Variants in PPP4R3B observed in about 807,000 individuals in gnomAD.
PPP4R3B encodes serine/threonine-protein phosphatase 4 regulatory subunit 3B.
PPP4R3B carries 52 observed loss-of-function variants against 95.4 expected under a neutral mutation model. The observed-to-expected ratio is 0.54, with a 90% CI of 0.44 to 0.69. The LOEUF (loss-of-function observed/expected upper bound fraction) is 0.69. PPP4R3B is among the 30% of genes least tolerant of loss of function. The probability of loss-of-function intolerance (pLI) is 0.00; values close to 1 mark genes in which losing one functional copy is unlikely to be tolerated. For synonymous variants in PPP4R3B, 407 were observed against 343.9 expected, an observed-to-expected ratio of 1.18 and a Z score of -2.03; for missense variants, 1,003 against 1,005.9, an observed-to-expected ratio of 1.00 and a Z score of 0.04.
intron 16 of PPP4R3B, 89 bp downstream of exon 16, chr2:55,558,686 G>A: frequency 1.1e-6 from 1 of 932,798 alleles, no homozygotes; most frequent in Non-Finnish European, 1.6e-6. Context: ...CATTGAAATT[G>A]TTTTGATTAT....
chr2:55,561,204 C>G (rs1403523499), intron 15 of PPP4R3B, among the ~76,000 whole-genome samples: 2 of 152,140 alleles, frequency 1.3e-5, no homozygotes, highest in Non-Finnish European at 2.9e-5. Context: ...CTCTTGGTGG[C>G]TTCCATGTGA....
intron 11 of PPP4R3B, among the ~76,000 whole-genome samples, chr2:55,576,586 C>A (rs1452738158): frequency 6.6e-6 from 1 of 151,776 alleles, no homozygotes; most frequent in African/African-American, 2.4e-5. Context: ...ACTAAAAATA[C>A]AAAAAATCGG....
intron 4 of PPP4R3B, among the ~76,000 whole-genome samples, chr2:55,596,774 C>A (rs1691834189): frequency 6.6e-6 from 1 of 152,094 alleles, no homozygotes; most frequent in Admixed American, 6.5e-5. Flanking sequence ...ACCAGCCTGG[C>A]CAACATGGTG....
At chr2:55,610,154 G>A (rs1201773441) in intron 2 of PPP4R3B, among the ~76,000 whole-genome samples, 1 of 152,030 alleles carries the variant, frequency 6.6e-6, no homozygotes, top group Non-Finnish European at 1.5e-5. Context: ...AAATTTTCCA[G>A]CACTTTCTGG....
rs1172968766 is a variant in PPP4R3B, at chr2:55,549,895, TC to T, written c.*15del. 6.3e-7 allele frequency: 1 copy of T among 1,575,324 alleles called. No homozygotes were observed. On this transcript the variant is annotated 3_prime_UTR_variant, in exon 17 of 17. Coordinates refer to ENST00000616407, the MANE Select transcript of PPP4R3B (RefSeq NM_001122964.3). ...GCATTGTAAGACCACATGTTGAGGG[TC>T]CCCTAATAAATATTTTATGAGCCAA...
chr2:55,564,568 T>C lies in PPP4R3B; in HGVS notation c.2076-71A>G, dbSNP rs878948415. ...TCATCAGATTGAACTGAAGGAAAAA[T>C]ATGTATAACCAAGATGAACTGAAGT... On this transcript the variant is annotated intron_variant, in intron 14 of 16. Transcript: ENST00000616407. 6.0e-6 allele frequency: 8 copies of C among 1,334,530 alleles called. No homozygotes were observed. The South Asian group carries it at 9.0e-5, about 15-fold the overall frequency. 82.7% of individuals were successfully genotyped at this position (1,334,530 alleles called of 1,614,324 possible).
In PPP4R3B at chr2:55,568,936, G is replaced by A. The variant is rs887942318; in HGVS notation, c.1766-573C>T. Among the ~76,000 whole-genome samples, 57 of 152,228 alleles carry A rather than the reference G, an allele frequency of 3.7e-4. 1 individual carries two copies. Among genetic ancestry groups the A allele is most frequent in the African/African-American group, 1.2e-3 (51 of 41,532 alleles). On this transcript the variant is annotated intron_variant, in intron 12 of 16. Coordinates refer to ENST00000616407, the MANE Select transcript of PPP4R3B (RefSeq NM_001122964.3). ...GTGGGCAGCAAGCCACCCAGGTGCC[G>A]AGGCAAGAGACTGAGGGCACGAGCT...
intron 2 of PPP4R3B, among the ~76,000 whole-genome samples, chr2:55,613,825 AT>A (rs1323519315): frequency 1.5e-4 from 23 of 149,376 alleles, no homozygotes; most frequent in Non-Finnish European, 3.0e-4. Flanking sequence ...AAAAAAAAAA[AT>A]TAGTATTTCT....
At chr2:55,608,070 A>G (rs1327509208) in intron 2 of PPP4R3B, among the ~76,000 whole-genome samples, 3 of 152,132 alleles carry the variant, frequency 2.0e-5, no homozygotes, top group Non-Finnish European at 4.4e-5. Context: ...CAGTGGTGCA[A>G]TCTTGGCTCA....
At chr2:55,581,723 A>T (rs769131613) in intron 7 of PPP4R3B, 25 bp from the exon 8 acceptor site, 4 of 1,605,268 alleles carry the variant, frequency 2.5e-6, no homozygotes, top group Non-Finnish European at 3.4e-6. Flanking sequence ...AAACAAAACA[A>T]AACATGTTTC....
At chr2:55,564,851 A>T in intron 14 of PPP4R3B, 51 bp downstream of exon 14, 1 of 1,575,708 alleles carries the variant, frequency 6.3e-7, no homozygotes, top group Non-Finnish European at 8.6e-7. Flanking sequence ...AACTACAAAC[A>T]ATTTTGGACA....
chr2:55,566,048 C>A (rs376456412), intron 13 of PPP4R3B, among the ~76,000 whole-genome samples: 3 of 152,084 alleles, frequency 2.0e-5, no homozygotes, highest in African/African-American at 7.2e-5. Context: ...ACCATCACTG[C>A]AAATGCATGC....
rs1695109278 is a variant in PPP4R3B at position 55,617,352 on chromosome 2, T to C, written c.-67A>G. 7 of 1,456,662 alleles carry C rather than the reference T, an allele frequency of 4.8e-6. No individual in the cohort carries two copies. The highest frequency in any genetic ancestry group is 6.4e-6 in the Non-Finnish European group (7 of 1,097,478). 90.2% of individuals were successfully genotyped at this position (1,456,662 alleles called of 1,614,324 possible). On this transcript the variant is annotated 5_prime_UTR_variant, in exon 1 of 17. The change abolishes the stop of an existing upstream ORF in the 5' untranslated region. Coordinates refer to ENST00000616407, the MANE Select transcript of PPP4R3B (RefSeq NM_001122964.3). Reference sequence around the variant, plus strand: ...TTACCTCGTCCGCGCTCCTCACTCTTAGGAGACGGTAAAGGCAGTAGTGGC... The same window carrying C: ...TTACCTCGTCCGCGCTCCTCACTCTCAGGAGACGGTAAAGGCAGTAGTGGC...
At chr2:55,591,179 C>T (rs10198078) in intron 4 of PPP4R3B, among the ~76,000 whole-genome samples, 14,222 of 151,476 alleles carry the variant, frequency 0.094, 2,276 homozygotes, top group African/African-American at 0.33. Flanking sequence ...CTCTGTTGCC[C>T]AGGCTGGAGT....
Position 55,615,134 on chromosome 2 carries a change from T to C in PPP4R3B, c.198+317A>G, listed in dbSNP as rs529297556. ...GTATCCCTTTGAATTTTGTTCTATG[T>C]CATTTCCTTTAAACGTGACTCAGAA... On this transcript the variant is annotated intron_variant, in intron 2 of 16. Transcript: ENST00000616407. 3 of 218,704 alleles carry C rather than the reference T, an allele frequency of 1.4e-5. No homozygotes were observed. The East Asian group carries it at 4.0e-4, about 29-fold the overall frequency. 13.5% of individuals were successfully genotyped at this position (218,704 alleles called of 1,614,324 possible).
At position 55,548,816 on chromosome 2, in the gene PPP4R3B, CTT is replaced by C. The variant is rs1684957040; in HGVS notation, c.*1093_*1094del. On this transcript the variant is annotated 3_prime_UTR_variant, in exon 17 of 17. Transcript: ENST00000616407. ...TTAACTTGTTGCTCTAAAAATAAAACTTAACTGTTTGCCTCAATTTATTTTTA... is the reference window on the plus strand; with the variant it reads ...TTAACTTGTTGCTCTAAAAATAAAACAACTGTTTGCCTCAATTTATTTTTA... 1 of 152,588 alleles carries C rather than the reference CTT, an allele frequency of 6.6e-6. No individual in the cohort carries two copies. Among genetic ancestry groups the C allele is most frequent in the Non-Finnish European group, 1.5e-5 (1 of 68,026 alleles). 9.5% of individuals were successfully genotyped at this position (152,588 alleles called of 1,614,324 possible). A position where few individuals can be genotyped will look rare whatever the true frequency, so the allele number is the denominator to read the frequency against.
At position 55,598,469 on chromosome 2, in the gene PPP4R3B, T is replaced by C. The variant is rs752847976; in HGVS notation, c.868A>G (p.Thr290Ala). The change falls in exon 4 of 17, where the codon ACT (threonine) becomes GCT (alanine). Residue 290 changes from threonine (T) to alanine (A), a missense_variant. Thr to Ala is a moderately conservative substitution (Grantham distance 58). Transcript: ENST00000616407. Reference protein sequence around the residue: ...PSVFEENFLSTLTSFIFFNKV... With the variant: ...PSVFEENFLSALTSFIFFNKV... ...TTGAAGAAAATAAAAGACGTAAGAG[T>C]AGAAAGAAAATTCTCTTCAAAAACA... The C allele has an allele frequency of 6.2e-7, 1 of 1,614,000 alleles. No individual in the cohort carries two copies. Among genetic ancestry groups the C allele is most frequent in the South Asian group, 1.1e-5 (1 of 91,058 alleles).
intron 12 of PPP4R3B, among the ~76,000 whole-genome samples, chr2:55,569,236 C>T (rs142238882): frequency 1.8e-4 from 28 of 152,158 alleles, no homozygotes; most frequent in African/African-American, 6.7e-4. Flanking sequence ...GGAAGATGCC[C>T]GTTGCCAAGC....
Position 55,570,967 on chromosome 2 carries a change from C to T in PPP4R3B, c.1766-2604G>A, listed in dbSNP as rs138936106. ...CATGTACACAAAACTACAGTTACAA[C>T]AGCACTGCTTATAATAATAGAAATC... On this transcript the variant is annotated intron_variant, in intron 12 of 16. Transcript: ENST00000616407. 1.5e-3 allele frequency among the ~76,000 whole-genome samples: 223 copies of T among 152,284 alleles called. 1 individual carries two copies. The highest frequency in any genetic ancestry group is 4.9e-3 in the African/African-American group (203 of 41,552).
Sources: allele counts gnomAD v4.1 joint callset (sites outside exome capture counted in the v4.1 genomes callset), GRCh38; gene constraint gnomAD v4.1.1; transcripts MANE v1.5; gene names NCBI Gene and HGNC (gene_info 2026-07-23, HGNC 2026-07-21).